The following ZFX variants were observed in gnomAD, a reference collection of about 807,000 sequenced individuals.
ZFX encodes the protein zinc finger X-chromosomal protein.
For missense variants in ZFX, 362 were observed against 628.3 expected, an observed-to-expected ratio of 0.58 and a Z score of 4.53; for synonymous variants, 196 against 226.8, an observed-to-expected ratio of 0.86 and a Z score of 1.22.
intron 5 of ZFX, among the ~76,000 whole-genome samples, chrX:24,186,684 C>T (rs1936140811): frequency 9.0e-6 from 1 of 111,442 alleles, no homozygotes; most frequent in Non-Finnish European, 1.9e-5. Context: ...ATGAAGCAGT[C>T]CTCATTCTTT....
chrX:24,191,567 C>T (rs1333690851), intron 5 of ZFX, among the ~76,000 whole-genome samples: 3 of 111,721 alleles, frequency 2.7e-5, no homozygotes, highest in Non-Finnish European at 3.8e-5. Flanking sequence ...AGAGACAGAA[C>T]ATCTAAGTTC....
chrX:24,186,074 C>G (rs1469355359), intron 5 of ZFX, among the ~76,000 whole-genome samples: 1 of 111,132 alleles, frequency 9.0e-6, no homozygotes, highest in Non-Finnish European at 1.9e-5. Flanking sequence ...TGTGAAGATA[C>G]CATTATCGGT....
chrX:24,186,395 C>T (rs535679086), intron 5 of ZFX, among the ~76,000 whole-genome samples: 1 of 109,877 alleles, frequency 9.1e-6, no homozygotes, highest in Admixed American at 9.8e-5. Flanking sequence ...GGGAGGATCT[C>T]GAGGGTAAGG....
intron 4 of ZFX, among the ~76,000 whole-genome samples, chrX:24,175,049 T>C (rs1935003585): frequency 8.9e-6 from 1 of 112,347 alleles, no homozygotes; most frequent in Non-Finnish European, 1.9e-5. Context: ...GATGTGTGTG[T>C]GTTTCTTAAC....
chrX:24,198,929 G>T (rs1020566202), intron 5 of ZFX, among the ~76,000 whole-genome samples: 8 of 111,634 alleles, frequency 7.2e-5, no homozygotes, highest in Non-Finnish European at 1.3e-4. Flanking sequence ...TTGGTACATA[G>T]ATGAAATTTA....
intron 4 of ZFX, among the ~76,000 whole-genome samples, chrX:24,178,504 T>G (rs1330214709): frequency 9.1e-6 from 1 of 110,061 alleles, no homozygotes; most frequent in Non-Finnish European, 1.9e-5. Context: ...TTAGCCAGGA[T>G]GGTCTCAAGC....
At chrX:24,185,163 GCTGGTCTTGAAC>G (rs1402801983) in intron 5 of ZFX, among the ~76,000 whole-genome samples, 6 of 111,064 alleles carry the variant, frequency 5.4e-5, no homozygotes, top group Admixed American at 1.9e-4. Context: ...TGTTGCCCAG[GCTGGTCTTGAAC>G]CTGGTCTTGA....
intron 5 of ZFX, among the ~76,000 whole-genome samples, chrX:24,206,177 A>T (rs952121892): frequency 6.2e-5 from 7 of 112,026 alleles, no homozygotes; most frequent in Admixed American, 1.9e-4. Flanking sequence ...TTGAAGCTGA[A>T]TTTCCATTGA....
rs142121034 is a variant in ZFX at position 24,182,562 on chromosome X, G to A, written c.646+2792G>A. 1.6e-3 allele frequency among the ~76,000 whole-genome samples: 182 copies of A among 111,639 alleles called. 1 individual carries two copies. The highest frequency in any genetic ancestry group is 5.3e-3 in the African/African-American group (163 of 30,821). ...GGAGGTCATTGGTATCTAAATTAGA[G>A]TAGGTTCAGTAAGGCATGGGCTATT... is the stretch of plus-strand genomic sequence containing the variant. On this transcript the variant is annotated intron_variant, in intron 5 of 9. Coordinates refer to ENST00000304543, the MANE Select transcript of ZFX (RefSeq NM_003410.4).
intron 5 of ZFX, among the ~76,000 whole-genome samples, chrX:24,202,692 A>G (rs1937379165): frequency 8.9e-6 from 1 of 111,846 alleles, no homozygotes; most frequent in African/African-American, 3.3e-5. Flanking sequence ...CTCACACTGC[A>G]GATTCTCACT....
chrX:24,208,766 A>T, intron 8 of ZFX, 134 bp from the exon 9 acceptor site: 3 of 703,058 alleles, frequency 4.3e-6, no homozygotes, highest in Non-Finnish European at 6.2e-6. Context: ...CATAAAACCC[A>T]TGACCTAGAA....
intron 3 of ZFX, among the ~76,000 whole-genome samples, chrX:24,170,519 AG>A (rs1293594709): frequency 9.0e-6 from 1 of 110,729 alleles, no homozygotes; most frequent in African/African-American, 3.3e-5. Context: ...TTCTATAGCC[AG>A]AGGTGGTTTT....
At chrX:24,209,848 T>C (rs945129857) in intron 9 of ZFX, among the ~76,000 whole-genome samples, 13 of 112,244 alleles carry the variant, frequency 1.2e-4, no homozygotes, top group Non-Finnish European at 2.1e-4. Context: ...CCGAAAGTGC[T>C]GGGATTACAG....
chrX:24,191,630 A>G (rs1462082167), intron 5 of ZFX, among the ~76,000 whole-genome samples: 1 of 111,079 alleles, frequency 9.0e-6, no homozygotes, highest in African/African-American at 3.3e-5. Flanking sequence ...TACTTACCAT[A>G]GTGCCTGGGA....
At chrX:24,170,156 ATTT>A (rs63450861) in intron 3 of ZFX, among the ~76,000 whole-genome samples, 4 of 88,152 alleles carry the variant, frequency 4.5e-5, no homozygotes, top group East Asian at 3.8e-4. Context: ...AATGCTTAGA[ATTT>A]TTTTTTTTTT....
At chrX:24,157,323 G>A (rs181161460) in intron 3 of ZFX, among the ~76,000 whole-genome samples, 23 of 111,803 alleles carry the variant, frequency 2.1e-4, no homozygotes, top group Admixed American at 1.9e-4. Flanking sequence ...TATTGATCAC[G>A]TAACCTTGCT....
intron 5 of ZFX, among the ~76,000 whole-genome samples, chrX:24,200,338 GTGTT>G (rs1367298480): frequency 1.8e-5 from 2 of 111,597 alleles, no homozygotes; most frequent in African/African-American, 6.5e-5. Context: ...TGCTGGGTGT[GTGTT>G]TGTGTTTCTG....
chrX:24,155,400 T>C (rs1458161144), intron 3 of ZFX, among the ~76,000 whole-genome samples: 1 of 112,051 alleles, frequency 8.9e-6, no homozygotes, highest in Admixed American at 9.5e-5. Context: ...ATTTTATTTG[T>C]ATTTCAGTGT....
intron 3 of ZFX, among the ~76,000 whole-genome samples, 170 bp from the exon 4 acceptor site, chrX:24,172,545 T>C (rs1934725773): frequency 8.9e-6 from 1 of 112,530 alleles, no homozygotes; most frequent in Non-Finnish European, 1.9e-5. Context: ...TAGATGCCCA[T>C]TTATCATTGT....
Sources: gnomAD v4.1 joint callset for allele counts (sites outside exome capture counted in the v4.1 genomes callset) on GRCh38, gnomAD v4.1.1 for gene constraint, MANE v1.5 for transcripts, NCBI Gene and HGNC (gene_info 2026-07-23, HGNC 2026-07-21) for gene names.